Variants in ANKRD29 observed in about 807,000 individuals in gnomAD.
ANKRD29 encodes ankyrin repeat domain-containing protein 29.
A neutral mutation model predicts 38.0 loss-of-function variants in ANKRD29; 32 were observed. That is an observed-to-expected ratio of 0.84 (90% CI 0.64 to 1.13). The LOEUF (loss-of-function observed/expected upper bound fraction) is 1.13. Ranked by LOEUF, ANKRD29 falls within the 50% of genes most tolerant of loss-of-function variation. The probability of loss-of-function intolerance (pLI) is 0.00; values close to 1 mark genes in which losing one functional copy is unlikely to be tolerated. For missense variants in ANKRD29, 357 were observed against 377.9 expected (o/e 0.94, Z 0.46); for synonymous variants, 135 against 152.4 (o/e 0.89, Z 0.84).
At chr18:23,660,272 T>C (rs1419859715) in intron 1 of ANKRD29, among the ~76,000 whole-genome samples, 2 of 152,234 alleles carry the variant, frequency 1.3e-5, no homozygotes, top group African/African-American at 2.4e-5. Flanking sequence ...CATTACAGTT[T>C]TGTATTTGCA....
intron 4 of ANKRD29, among the ~76,000 whole-genome samples, chr18:23,635,304 A>C (rs562349200): frequency 6.6e-6 from 1 of 152,136 alleles, no homozygotes; most frequent in Non-Finnish European, 1.5e-5. Context: ...AAAAAAAAAA[A>C]AAACCCAACT....
At chr18:23,616,098 G>A (rs1218047814) in intron 8 of ANKRD29, among the ~76,000 whole-genome samples, 2 of 150,302 alleles carry the variant, frequency 1.3e-5, no homozygotes, top group Middle Eastern at 3.3e-3. Flanking sequence ...CATACCGTAT[G>A]TATGTATGCA....
rs1334834991 is a variant in ANKRD29 at position 23,601,297 on chromosome 18, G to T, written c.835C>A (p.Pro279Thr). The T allele has an allele frequency of 6.2e-7, 1 of 1,613,946 alleles. No homozygotes were observed. Among genetic ancestry groups the T allele is most frequent in the Non-Finnish European group, 8.5e-7 (1 of 1,179,968 alleles). Reference sequence around the variant, plus strand: ...CGTTCATTTTTGGTTAGTTCTGCCGGAAGTTCATTGGCCTGAAAGAAGAGA... The same window carrying T: ...CGTTCATTTTTGGTTAGTTCTGCCGTAAGTTCATTGGCCTGAAAGAAGAGA... ...PSLRNKANEL[P>T]AELTKNERIL... Residue 279 changes from proline (P) to threonine (T), a missense_variant, in exon 10 of 10, where the codon CCG (proline) becomes ACG (threonine). Coordinates refer to ENST00000592179, the MANE Select transcript of ANKRD29 (RefSeq NM_173505.4).
At chr18:23,654,203 T>C (rs1002229924) in intron 1 of ANKRD29, among the ~76,000 whole-genome samples, 1 of 151,180 alleles carries the variant, frequency 6.6e-6, no homozygotes, top group African/African-American at 2.4e-5. Context: ...GAGGCGGAGG[T>C]TGCAGTGAGC....
At chr18:23,630,812 T>C (rs943850729) in intron 5 of ANKRD29, among the ~76,000 whole-genome samples, 10 of 150,580 alleles carry the variant, frequency 6.6e-5, no homozygotes, top group Non-Finnish European at 1.5e-4. Context: ...TCTTTTTTTT[T>C]TTAATTAGCT....
At chr18:23,633,731 C>T (rs528632842) in intron 5 of ANKRD29, among the ~76,000 whole-genome samples, 3 of 152,100 alleles carry the variant, frequency 2.0e-5, no homozygotes, top group East Asian at 3.9e-4. Context: ...CTACCATCCC[C>T]GGCTAAGTTT....
intron 3 of ANKRD29, among the ~76,000 whole-genome samples, chr18:23,643,818 G>A (rs1228905356): frequency 2.0e-5 from 3 of 152,210 alleles, no homozygotes; most frequent in Non-Finnish European, 2.9e-5. Context: ...ACCTAAGCAA[G>A]GAGTGGCAGG....
chr18:23,642,140 A>C (rs1372351748), intron 3 of ANKRD29, among the ~76,000 whole-genome samples: 2 of 152,118 alleles, frequency 1.3e-5, no homozygotes, highest in Non-Finnish European at 2.9e-5. Context: ...TGCATACCTC[A>C]TTCTTCTTGG....
intron 8 of ANKRD29, 57 bp downstream of exon 8, chr18:23,617,675 G>T: frequency 6.8e-7 from 1 of 1,463,766 alleles, no homozygotes. Flanking sequence ...CCCCAAGTGA[G>T]GACTTACTTT....
At chr18:23,634,276 C>CTTT (rs369816960) in intron 4 of ANKRD29, 127 bp from the exon 5 acceptor site, 48 of 447,472 alleles carry the variant, frequency 1.1e-4, no homozygotes, top group South Asian at 2.5e-4. Context: ...CTCACTTTCC[C>CTTT]TGTTTTTTTT....
chr18:23,617,892 A>G, intron 7 of ANKRD29, 65 bp from the exon 8 acceptor site: 1 of 1,362,914 alleles, frequency 7.3e-7, no homozygotes, highest in Non-Finnish European at 1.0e-6. Context: ...GAAAGCAGTC[A>G]GTTGGGAACT....
Position 23,601,315 on chromosome 18 carries a change from A to G in ANKRD29, c.823-6T>C. On this transcript the variant is annotated splice_polypyrimidine_tract_variant and splice_region_variant and intron_variant, in intron 9 of 9. Coordinates refer to ENST00000592179, the MANE Select transcript of ANKRD29 (RefSeq NM_173505.4). ...TCTGCCGGAAGTTCATTGGCCTGAAAGAAGAGAAGATGGGCATTAGTGAAT... is the reference window on the plus strand; with the variant it reads ...TCTGCCGGAAGTTCATTGGCCTGAAGGAAGAGAAGATGGGCATTAGTGAAT... 1.9e-6 allele frequency: 3 copies of G among 1,613,820 alleles called. No homozygotes were observed. Among genetic ancestry groups the G allele is most frequent in the Non-Finnish European group, 8.5e-7 (1 of 1,179,758 alleles).
chr18:23,614,707 C>T (rs1308299788), intron 8 of ANKRD29, among the ~76,000 whole-genome samples: 1 of 150,856 alleles, frequency 6.6e-6, no homozygotes, highest in Non-Finnish European at 1.5e-5. Flanking sequence ...ATGAAAGTAG[C>T]TCATGAGCTC....
intron 1 of ANKRD29, among the ~76,000 whole-genome samples, chr18:23,662,310 T>C (rs865788390): frequency 1.3e-5 from 2 of 152,264 alleles, no homozygotes; most frequent in South Asian, 4.1e-4. Flanking sequence ...GAGGCATCCG[T>C]GGGTGCAGCT....
chr18:23,623,505 T>G (rs2059821320), intron 6 of ANKRD29, among the ~76,000 whole-genome samples: 1 of 151,964 alleles, frequency 6.6e-6, no homozygotes, highest in Non-Finnish European at 1.5e-5. Context: ...ATGAAAATGA[T>G]GGGGTGCAGT....
chr18:23,606,224 A>G (rs993378583), intron 9 of ANKRD29, among the ~76,000 whole-genome samples: 2 of 152,026 alleles, frequency 1.3e-5, no homozygotes, highest in Non-Finnish European at 2.9e-5. Context: ...TGATCTTTCC[A>G]CCTCAGCCAC....
intron 6 of ANKRD29, 95 bp downstream of exon 6, chr18:23,629,758 T>C: frequency 1.1e-6 from 1 of 951,998 alleles, no homozygotes; most frequent in Non-Finnish European, 1.6e-6. Context: ...TGCCTTGAGC[T>C]TACTGGTTAT....
At chr18:23,649,015 C>A in intron 2 of ANKRD29, 68 bp downstream of exon 2, 1 of 1,286,680 alleles carries the variant, frequency 7.8e-7, no homozygotes, top group Non-Finnish European at 1.1e-6. Context: ...GAATGTATTC[C>A]TGAGGTGCTC....
chr18:23,630,911 G>A (rs2145686666), intron 5 of ANKRD29, among the ~76,000 whole-genome samples: 1 of 139,124 alleles, frequency 7.2e-6, no homozygotes, highest in South Asian at 2.3e-4. Context: ...AGGTTACAGT[G>A]AGCCATGTTT....
Sources: allele counts gnomAD v4.1 joint callset (sites outside exome capture counted in the v4.1 genomes callset), GRCh38; gene constraint gnomAD v4.1.1; transcripts MANE v1.5; gene names NCBI Gene and HGNC (gene_info 2026-07-23, HGNC 2026-07-21).